Variants in RSPO2 observed in about 807,000 individuals in gnomAD.
RSPO2 encodes the protein R-spondin 2.
Under a neutral mutation model 30.9 loss-of-function variants are expected in RSPO2, and 14 were observed. The observed-to-expected ratio is 0.45, with a 90% CI of 0.30 to 0.71. The LOEUF (loss-of-function observed/expected upper bound fraction) is 0.71, where lower values mean the gene tolerates loss of function less well. Among genes scored for constraint, RSPO2 ranks in the 30% least tolerant of loss-of-function variants. The pLI, the probability that RSPO2 is intolerant of heterozygous loss-of-function variation, is 0.08. For synonymous variants in RSPO2, 107 were observed against 96.4 expected (o/e 1.11, Z -0.64); for missense variants, 264 against 301.9 (o/e 0.87, Z 0.93).
intron 2 of RSPO2, among the ~76,000 whole-genome samples, chr8:108,068,686 T>G (rs1038295306): frequency 1.3e-5 from 2 of 152,168 alleles, no homozygotes; most frequent in African/African-American, 4.8e-5. Flanking sequence ...CTAATAGAAC[T>G]GGTTTTCTGA....
rs1167342307 is a variant in RSPO2 at position 107,956,820 on chromosome 8, T to C, written c.616+1260A>G. Among the ~76,000 whole-genome samples, 7 of 152,332 alleles carry C rather than the reference T, an allele frequency of 4.6e-5. No individual in the cohort carries two copies. The East Asian group carries it at 1.4e-3, about 29-fold the overall frequency. ...TTGTTTTTAGGGAGAAGGTTGCAGGTTAAATGCTCTCAGCTATCCAAGAAG... is the reference window on the plus strand; with the variant it reads ...TTGTTTTTAGGGAGAAGGTTGCAGGCTAAATGCTCTCAGCTATCCAAGAAG... On this transcript the variant is annotated intron_variant, in intron 5 of 5. Coordinates refer to ENST00000276659, the MANE Select transcript of RSPO2 (RefSeq NM_178565.5).
At chr8:107,908,843 T>C (rs568174980) in intron 5 of RSPO2, among the ~76,000 whole-genome samples, 1 of 152,352 alleles carries the variant, frequency 6.6e-6, no homozygotes, top group Non-Finnish European at 1.5e-5. Flanking sequence ...CACAAATTCT[T>C]GTTGTCACTT....
chr8:108,010,707 G>C (rs1810676564), intron 2 of RSPO2, among the ~76,000 whole-genome samples: 1 of 152,090 alleles, frequency 6.6e-6, no homozygotes, highest in South Asian at 2.1e-4. Context: ...GCAGGGGACA[G>C]GAGCATCAGG....
Position 107,962,528 on chromosome 8 carries a change from T to A in RSPO2, c.284-1711A>T, listed in dbSNP as rs376795674. On this transcript the variant is annotated intron_variant, in intron 3 of 5. Transcript: ENST00000276659. ...GCTCCTTTGGTGGGGAGGGAAATGG[T>A]AAGCACAGAACAGTTTATCACCCCA... Among the ~76,000 whole-genome samples, 555 of 152,290 alleles carry A rather than the reference T, an allele frequency of 3.6e-3. 3 individuals carry two copies. Among genetic ancestry groups the A allele is most frequent in the African/African-American group, 0.013 (535 of 41,560 alleles).
At chr8:107,996,821 AT>A (rs1490373618) in intron 2 of RSPO2, 6 of 394,710 alleles carry the variant, frequency 1.5e-5, no homozygotes, top group Middle Eastern at 4.3e-4. Flanking sequence ...TGTGCCCTGC[AT>A]TTTTTAAAAA....
chr8:107,960,851 T>C, intron 3 of RSPO2, 34 bp from the exon 4 acceptor site: 1 of 1,494,658 alleles, frequency 6.7e-7, no homozygotes, highest in Non-Finnish European at 9.0e-7. Context: ...AAAGAAAATT[T>C]CAGTCAAAGA....
intron 2 of RSPO2, among the ~76,000 whole-genome samples, chr8:108,050,074 T>C (rs915946089): frequency 6.6e-6 from 1 of 152,200 alleles, no homozygotes; most frequent in Non-Finnish European, 1.5e-5. Context: ...AATTCCATAA[T>C]CTCATGCAGG....
intron 2 of RSPO2, among the ~76,000 whole-genome samples, chr8:108,059,292 C>G (rs904128725): frequency 4.0e-5 from 6 of 151,460 alleles, no homozygotes; most frequent in Non-Finnish European, 7.4e-5. Context: ...CAAATCAAAA[C>G]CACAATGAGA....
chr8:107,910,282 A>T (rs985271688), intron 5 of RSPO2, among the ~76,000 whole-genome samples: 4 of 152,234 alleles, frequency 2.6e-5, no homozygotes, highest in African/African-American at 9.6e-5. Flanking sequence ...GACCATTGTC[A>T]TATGGCAGCA....
At chr8:107,991,327 G>T (rs889028515) in intron 2 of RSPO2, among the ~76,000 whole-genome samples, 1 of 151,330 alleles carries the variant, frequency 6.6e-6, no homozygotes, top group African/African-American at 2.4e-5. Flanking sequence ...AATAAATGAT[G>T]CTGGGATAAC....
intron 2 of RSPO2, among the ~76,000 whole-genome samples, chr8:108,003,306 TATATA>T (rs1470315393): frequency 5.2e-5 from 1 of 19,068 alleles, no homozygotes; most frequent in Non-Finnish European, 9.1e-5. Context: ...TATATATATA[TATATA>T]TTTTTTTTTT....
intron 5 of RSPO2, among the ~76,000 whole-genome samples, chr8:107,915,127 C>T (rs1158989818): frequency 2.0e-5 from 3 of 152,092 alleles, no homozygotes; most frequent in Non-Finnish European, 4.4e-5. Flanking sequence ...TATACTTTTC[C>T]ATAGAACACA....
intron 2 of RSPO2, among the ~76,000 whole-genome samples, chr8:108,079,954 T>C (rs1413093469): frequency 1.3e-5 from 2 of 152,258 alleles, no homozygotes; most frequent in Non-Finnish European, 1.5e-5. Context: ...ATTTGGCCAG[T>C]AGTCAAGCAT....
intron 5 of RSPO2, among the ~76,000 whole-genome samples, chr8:107,924,100 A>C (rs1413206148): frequency 1.3e-5 from 2 of 152,004 alleles, no homozygotes; most frequent in South Asian, 4.1e-4. Flanking sequence ...AATTAAAAAA[A>C]AAAAGACAAA....
intron 2 of RSPO2, among the ~76,000 whole-genome samples, chr8:108,039,665 C>A (rs1025361870): frequency 6.6e-6 from 1 of 152,154 alleles, no homozygotes; most frequent in Non-Finnish European, 1.5e-5. Flanking sequence ...CATCCAGCCT[C>A]CACTCTAGGC....
intron 3 of RSPO2, among the ~76,000 whole-genome samples, chr8:107,973,867 C>T (rs1172113073): frequency 3.9e-5 from 6 of 152,072 alleles, no homozygotes; most frequent in Non-Finnish European, 8.8e-5. Flanking sequence ...AAGCATAAGC[C>T]GCAGATTCTA....
intron 3 of RSPO2, among the ~76,000 whole-genome samples, chr8:107,984,802 T>C (rs1339617671): frequency 3.9e-5 from 6 of 152,170 alleles, no homozygotes; most frequent in Admixed American, 6.5e-5. Flanking sequence ...ATGTTTTATA[T>C]GTGTTTTGTT....
At chr8:107,978,452 GT>G (rs1452743804) in intron 3 of RSPO2, among the ~76,000 whole-genome samples, 3 of 152,048 alleles carry the variant, frequency 2.0e-5, no homozygotes, top group East Asian at 3.9e-4. Context: ...TTAATAAATG[GT>G]TGCTGGGAAA....
chr8:107,996,751 G>C (rs1358239238), intron 2 of RSPO2, among the ~76,000 whole-genome samples: 1 of 152,088 alleles, frequency 6.6e-6, no homozygotes, highest in Admixed American at 6.6e-5. Flanking sequence ...TTTTTGTTTT[G>C]TTTTTATGTA....
Sources: allele counts gnomAD v4.1 joint callset (sites outside exome capture counted in the v4.1 genomes callset), GRCh38; gene constraint gnomAD v4.1.1; transcripts MANE v1.5; gene names NCBI Gene and HGNC (gene_info 2026-07-23, HGNC 2026-07-21).